The following ARHGEF10 variants were observed in gnomAD, a reference collection of about 807,000 sequenced individuals.
ARHGEF10 encodes the protein Rho guanine nucleotide exchange factor 10, also known as Rho guanine nucleotide exchange factor (GEF) 10.
Under a neutral mutation model 147.4 loss-of-function variants are expected in ARHGEF10, and 140 were observed. The ratio of observed to expected loss-of-function variants is 0.95; its 90% CI spans 0.83 to 1.09. The LOEUF (loss-of-function observed/expected upper bound fraction) is 1.09, where lower values mean the gene tolerates loss of function less well. Among genes scored for constraint, ARHGEF10 ranks in the 50% least tolerant of loss-of-function variants. The probability of loss-of-function intolerance (pLI) is 0.00; values close to 1 mark genes in which losing one functional copy is unlikely to be tolerated. For missense variants in ARHGEF10, 2,222 were observed against 1,752.7 expected (o/e 1.27, Z -4.78); for synonymous variants, 902 against 695.8 (o/e 1.30, Z -4.67).
intron 27 of ARHGEF10, among the ~76,000 whole-genome samples, chr8:1,951,966 T>G (rs563224038): frequency 6.6e-6 from 1 of 152,400 alleles, no homozygotes; most frequent in South Asian, 2.1e-4. Context: ...GGCGGGGTCT[T>G]GGAATAGGCC....
At chr8:1,840,695 AG>A (rs35146459) in intron 1 of ARHGEF10, among the ~76,000 whole-genome samples, 58,291 of 151,804 alleles carry the variant, frequency 0.38, 11,423 homozygotes, top group Non-Finnish European at 0.39. Flanking sequence ...CTTGTCTTTG[AG>A]GTTTCCTCCC....
rs140499510 is a variant in ARHGEF10, at chr8:1,956,826, G to C, written c.3598G>C (p.Asp1200His). ...IVLATALHEKDKDKSRDSLAP... is the reference protein window; with the variant it reads ...IVLATALHEKHKDKSRDSLAP... ...CCTGGCCACGGCTCTGCACGAGAAA[G>C]ACAAGGACAAATCCAGGGACAGCCT... The change falls in exon 29 of 29, where the codon GAC (aspartate) becomes CAC (histidine). Residue 1200 changes from aspartate to histidine, a missense_variant. Transcript: ENST00000349830. 13 of 1,613,980 alleles carry C rather than the reference G, an allele frequency of 8.1e-6. No individual in the cohort carries two copies. Among genetic ancestry groups the C allele is most frequent in the Non-Finnish European group, 1.1e-5 (13 of 1,180,060 alleles).
intron 19 of ARHGEF10, 81 bp from the exon 20 acceptor site, chr8:1,923,387 A>G (rs1812445036): frequency 1.3e-6 from 2 of 1,586,600 alleles, no homozygotes; most frequent in South Asian, 1.1e-5. Context: ...TTCTCATATT[A>G]AAATTGTGTC....
At chr8:1,916,828 G>C (rs1350912441) in intron 18 of ARHGEF10, among the ~76,000 whole-genome samples, 1 of 152,196 alleles carries the variant, frequency 6.6e-6, no homozygotes, top group Non-Finnish European at 1.5e-5. Flanking sequence ...TTTAAAGACA[G>C]TAAGAATGAC....
intron 2 of ARHGEF10, among the ~76,000 whole-genome samples, chr8:1,850,412 G>A (rs1373507641): frequency 7.3e-6 from 1 of 136,670 alleles, no homozygotes; most frequent in Non-Finnish European, 1.6e-5. Flanking sequence ...AGGGTGTGGG[G>A]CAACCGCGTG....
chr8:1,904,606 C>T (rs1276407203), intron 16 of ARHGEF10, among the ~76,000 whole-genome samples: 1 of 152,172 alleles, frequency 6.6e-6, no homozygotes, highest in African/African-American at 2.4e-5. Flanking sequence ...CCTCCGAATA[C>T]ACATGGGGCA....
At chr8:1,834,046 C>A (rs972197577) in intron 1 of ARHGEF10, among the ~76,000 whole-genome samples, 1 of 152,188 alleles carries the variant, frequency 6.6e-6, no homozygotes, top group African/African-American at 2.4e-5. Flanking sequence ...CTGCCTGCTG[C>A]GACTGCAGAG....
chr8:1,858,211 G>T lies in ARHGEF10; in HGVS notation c.193+96G>T, dbSNP rs1465187555. 2.7e-4 allele frequency: 293 copies of T among 1,096,946 alleles called. 1 individual carries two copies. Among genetic ancestry groups the T allele is most frequent in the South Asian group, 4.6e-4 (28 of 60,246 alleles). The allele number at this position is 1,096,946 out of a possible 1,614,324, so 68.0% of individuals were successfully genotyped here. On this transcript the variant is annotated intron_variant, in intron 3 of 28. Transcript: ENST00000349830. ...ATGTGAGTCACCAGGTGAGTTCCCA[G>T]GTGAGTCCCCAGGTGAGTCCCCAGG...
chr8:1,929,109 A>G (rs1369061884), intron 24 of ARHGEF10, among the ~76,000 whole-genome samples, 177 bp from the exon 25 acceptor site: 1 of 152,222 alleles, frequency 6.6e-6, no homozygotes, highest in Non-Finnish European at 1.5e-5. Context: ...TTTCCCTTTT[A>G]AAAATAAAGA....
At chr8:1,935,338 TA>T (rs1813497065) in intron 26 of ARHGEF10, among the ~76,000 whole-genome samples, 1 of 152,118 alleles carries the variant, frequency 6.6e-6, no homozygotes, top group South Asian at 2.1e-4. Flanking sequence ...ACTGGGGGCT[TA>T]CTCTTGGTGC....
chr8:1,851,282 G>T (rs79567768), intron 2 of ARHGEF10, among the ~76,000 whole-genome samples: 5 of 111,216 alleles, frequency 4.5e-5, no homozygotes, highest in Admixed American at 3.6e-4. Flanking sequence ...AGTTAGCGAC[G>T]TACCTCAGTG....
At chr8:1,830,292 C>CGGCTCATTTCCCGTGGGGCCCAGGT (rs1803016359) in intron 1 of ARHGEF10, among the ~76,000 whole-genome samples, 1 of 152,216 alleles carries the variant, frequency 6.6e-6, no homozygotes, top group Non-Finnish European at 1.5e-5. Flanking sequence ...GGGGCCCAGG[C>CGGCTCATTTCCCGTGGGGCCCAGGT]GGCTGTCCTT....
rs984382353 is a variant in ARHGEF10, at chr8:1,937,651, A to C, written c.3222+3709A>C. Among the ~76,000 whole-genome samples the C allele has an allele frequency of 6.6e-6, 1 of 152,180 alleles. No homozygotes were observed. The highest frequency in any genetic ancestry group is 2.4e-5 in the African/African-American group (1 of 41,436). ...TCCTGTCGTTCCCGTTGTGCAGGGG[A>C]ACTGTGGCCAGGGGCTGGGGCAGCC... On this transcript the variant is annotated intron_variant, in intron 26 of 28. Transcript: ENST00000349830. This position sits in a 1 kb window ranked among gnomAD's most constrained non-coding sequence, Gnocchi z 4.9.
intron 2 of ARHGEF10, among the ~76,000 whole-genome samples, chr8:1,848,913 TATTTA>T (rs1563171146): frequency 6.6e-6 from 1 of 152,196 alleles, no homozygotes; most frequent in African/African-American, 2.4e-5. Flanking sequence ...ATGTATAGTT[TATTTA>T]AAGTGAGAGA....
intron 1 of ARHGEF10, among the ~76,000 whole-genome samples, chr8:1,833,552 G>T (rs1162740858): frequency 6.6e-6 from 1 of 152,194 alleles, no homozygotes; most frequent in Admixed American, 6.5e-5. Context: ...GGCTGCCTCT[G>T]GCTCTTCTTT....
At chr8:1,856,283 C>T (rs1263513143) in intron 2 of ARHGEF10, among the ~76,000 whole-genome samples, 3 of 152,172 alleles carry the variant, frequency 2.0e-5, no homozygotes, top group African/African-American at 4.8e-5. Context: ...TTGTAAAACT[C>T]GTGAGTGTTG....
At position 1,882,761 on chromosome 8, in the gene ARHGEF10, C is replaced by T. The variant is rs747688705; in HGVS notation, c.1075+12C>T. The T allele has an allele frequency of 8.7e-6, 11 of 1,270,300 alleles. No individual in the cohort carries two copies. The highest frequency in any genetic ancestry group is 6.2e-5 in the East Asian group (1 of 16,198). The allele number at this position is 1,270,300 out of a possible 1,614,324, so 78.7% of individuals were successfully genotyped here. ...TCTCATCGCACAGGGTCCGTGCCTG[C>T]AGGTCTTCTTGCGGGGAGGACACGG... is the stretch of plus-strand genomic sequence containing the variant. On this transcript the variant is annotated intron_variant, in intron 10 of 28. Coordinates refer to ENST00000349830, the MANE Select transcript of ARHGEF10 (RefSeq NM_014629.4).
At position 1,893,625 on chromosome 8, in the gene ARHGEF10, T is replaced by C. The variant is rs767519968; in HGVS notation, c.1239T>C (p.Asp413=). Residue 413 remains aspartate, a synonymous_variant, in exon 12 of 29, where the codon GAT becomes GAC. Coordinates refer to ENST00000349830, the MANE Select transcript of ARHGEF10 (RefSeq NM_014629.4). ...TCGACAGTGAAAAGAACTACGTAGATGCTCTTAAGAGGATTTTGGAGGTAC... is the reference window on the plus strand; with the variant it reads ...TCGACAGTGAAAAGAACTACGTAGACGCTCTTAAGAGGATTTTGGAGGTAC... ...SVVDSEKNYV[D]ALKRILEQYE... 1.2e-6 allele frequency: 2 copies of C among 1,613,120 alleles called. No homozygotes were observed. The highest frequency in any genetic ancestry group is 1.1e-5 in the South Asian group (1 of 91,062).
At chr8:1,923,983 A>G in intron 21 of ARHGEF10, 109 bp downstream of exon 21, 1 of 1,021,822 alleles carries the variant, frequency 9.8e-7, no homozygotes, top group South Asian at 1.3e-5. Flanking sequence ...AGATCCATGC[A>G]TTGACCTGAA....
Sources: gnomAD v4.1 joint callset for allele counts (sites outside exome capture counted in the v4.1 genomes callset) on GRCh38, gnomAD v4.1.1 for gene constraint, Gnocchi (gnomAD v3.1) non-coding constraint, MANE v1.5 for transcripts, NCBI Gene and HGNC (gene_info 2026-07-23, HGNC 2026-07-21) for gene names.